Variants in CDH13 observed in about 807,000 individuals in gnomAD.
The protein encoded by CDH13 is cadherin 13.
In CDH13, 24 loss-of-function variants were observed where a neutral mutation model predicts 63.8. That is an observed-to-expected ratio of 0.38 (90% CI 0.27 to 0.53). The LOEUF is 0.53. Ranked by LOEUF, CDH13 falls within the 20% of genes least tolerant of loss-of-function variation. CDH13 has a pLI of 0.85. For missense variants in CDH13, 1,049 were observed against 903.1 expected, an observed-to-expected ratio of 1.16 and a Z score of -2.07; for synonymous variants, 503 against 355.3, an observed-to-expected ratio of 1.42 and a Z score of -4.67.
At chr16:82,970,384 T>TAAGGGCTCAGCTTAAACCTTACC (rs1567706055) in intron 2 of CDH13, among the ~76,000 whole-genome samples, 1 of 93,438 alleles carries the variant, frequency 1.1e-5, no homozygotes, top group Non-Finnish European at 2.2e-5. Context: ...TGCATATTCT[T>TAAGGGCTCAGCTTAAACCTTACC]TTTTTTTTTT....
chr16:83,060,687 A>G (rs772687090), intron 3 of CDH13, among the ~76,000 whole-genome samples: 3 of 152,156 alleles, frequency 2.0e-5, no homozygotes, highest in Non-Finnish European at 4.4e-5. Context: ...TGCTATCCTC[A>G]CCTCACTGTG....
chr16:83,137,281 C>CT (rs1476602880), intron 4 of CDH13, among the ~76,000 whole-genome samples: 1 of 152,218 alleles, frequency 6.6e-6, no homozygotes, highest in African/African-American at 2.4e-5. Flanking sequence ...CTCCACCACT[C>CT]TTCTCCTTGG....
In CDH13 at chr16:83,593,346, A is replaced by G. The variant is rs1157696129; in HGVS notation, c.961-9108A>G. Among the ~76,000 whole-genome samples, 4 of 152,324 alleles carry G rather than the reference A, an allele frequency of 2.6e-5. No homozygotes were observed. The East Asian group carries it at 7.7e-4, about 29-fold the overall frequency. On this transcript the variant is annotated intron_variant, in intron 7 of 13. Coordinates refer to ENST00000567109, the MANE Select transcript of CDH13 (RefSeq NM_001257.5). ...CTTCTTACAGCCTTCCTTGACTCCT[A>G]GAGCAGCATGTGTGTGCTGGAGCCC...
chr16:82,803,320 G>C (rs983078244), intron 1 of CDH13, among the ~76,000 whole-genome samples: 1 of 152,186 alleles, frequency 6.6e-6, no homozygotes, highest in African/African-American at 2.4e-5. Flanking sequence ...TTTTTGGAAA[G>C]TTCATTCTTA....
intron 1 of CDH13, among the ~76,000 whole-genome samples, chr16:82,690,331 T>C (rs1038000511): frequency 3.9e-5 from 6 of 152,134 alleles, no homozygotes; most frequent in Non-Finnish European, 8.8e-5. Flanking sequence ...AGCATTGCTA[T>C]TTTTAAATAT....
intron 5 of CDH13, among the ~76,000 whole-genome samples, chr16:83,260,933 A>G (rs13332885): frequency 0.022 from 3,349 of 152,186 alleles, 132 homozygotes; most frequent in African/African-American, 0.073. Flanking sequence ...GGGGGCGGCC[A>G]TGTATCGGGG....
intron 4 of CDH13, chr16:83,180,925 A>G: frequency 6.5e-7 from 1 of 1,532,370 alleles, no homozygotes. Context: ...ATTACAGCAG[A>G]TTTAAATCCA....
At chr16:82,752,677 C>G (rs1012618212) in intron 1 of CDH13, among the ~76,000 whole-genome samples, 7 of 152,170 alleles carry the variant, frequency 4.6e-5, no homozygotes, top group African/African-American at 1.7e-4. Flanking sequence ...GGAAATTGAG[C>G]CAGTCGTTCC....
intron 7 of CDH13, among the ~76,000 whole-genome samples, chr16:83,495,973 A>G (rs2074132952): frequency 6.6e-6 from 1 of 151,772 alleles, no homozygotes; most frequent in African/African-American, 2.4e-5. Context: ...GACCTCTTCA[A>G]GGAGAACTAC....
chr16:83,103,597 G>T (rs1444415310), intron 3 of CDH13, among the ~76,000 whole-genome samples: 1 of 152,168 alleles, frequency 6.6e-6, no homozygotes, highest in Non-Finnish European at 1.5e-5. Context: ...AAGAGGTAGA[G>T]TGGGTGATGG....
chr16:83,633,394 G>C (rs1910955886), intron 8 of CDH13, among the ~76,000 whole-genome samples: 1 of 152,174 alleles, frequency 6.6e-6, no homozygotes, highest in African/African-American at 2.4e-5. Flanking sequence ...CCTCACCGTA[G>C]AAGAGCACAT....
chr16:83,102,930 C>CTTTTTATTT, intron 3 of CDH13, among the ~76,000 whole-genome samples: 1 of 96,924 alleles, frequency 1.0e-5, no homozygotes, highest in African/African-American at 4.6e-5. Flanking sequence ...TTTTCTTTTT[C>CTTTTTATTT]TTTTTTTTTT....
intron 6 of CDH13, among the ~76,000 whole-genome samples, chr16:83,426,693 A>G (rs1222523866): frequency 6.6e-6 from 1 of 152,062 alleles, no homozygotes; most frequent in Non-Finnish European, 1.5e-5. Flanking sequence ...CTTGGCATGT[A>G]GATAGAATGA....
intron 9 of CDH13, among the ~76,000 whole-genome samples, chr16:83,675,615 A>G (rs1914888906): frequency 1.3e-5 from 2 of 152,134 alleles, no homozygotes; most frequent in Non-Finnish European, 2.9e-5. Context: ...GAAATATTCA[A>G]CATTCATCCT....
chr16:83,046,397 T>C (rs75546221), intron 3 of CDH13, among the ~76,000 whole-genome samples: 8,850 of 152,192 alleles, frequency 0.058, 315 homozygotes, highest in Non-Finnish European at 0.083. Context: ...CAAACACTTA[T>C]TTTTCTTTCT....
chr16:83,746,002 G>A (rs1912544285), intron 10 of CDH13, among the ~76,000 whole-genome samples: 1 of 152,152 alleles, frequency 6.6e-6, no homozygotes, highest in Admixed American at 6.5e-5. Context: ...AGACCACCTG[G>A]GCCCACGTCC....
At chr16:82,838,880 G>T (rs916582534) in intron 1 of CDH13, among the ~76,000 whole-genome samples, 8 of 152,148 alleles carry the variant, frequency 5.3e-5, no homozygotes, top group African/African-American at 1.7e-4. Flanking sequence ...CTGGCTTTTA[G>T]TGGGTTCAAC....
At chr16:83,606,604 G>T (rs1219806783) in intron 8 of CDH13, among the ~76,000 whole-genome samples, 1 of 151,868 alleles carries the variant, frequency 6.6e-6, no homozygotes, top group East Asian at 1.9e-4. Flanking sequence ...ATCCAGGCAT[G>T]TAGTCCCAGC....
intron 3 of CDH13, among the ~76,000 whole-genome samples, chr16:83,045,634 T>TA (rs71382861): frequency 0.019 from 2,032 of 107,772 alleles, 33 homozygotes; most frequent in Admixed American, 0.026. Context: ...AAGATTCCTT[T>TA]AAAAAAAAAA....
Sources: allele counts gnomAD v4.1 joint callset (sites outside exome capture counted in the v4.1 genomes callset), GRCh38; gene constraint gnomAD v4.1.1; transcripts MANE v1.5; gene names NCBI Gene and HGNC (gene_info 2026-07-23, HGNC 2026-07-21).